TRNT1: variants seen among roughly 807,000 people sequenced by gnomAD.
TRNT1 encodes the protein CCA tRNA nucleotidyltransferase 1, mitochondrial.
TRNT1 carries 44 observed loss-of-function variants against 45.6 expected under a neutral mutation model. The ratio of observed to expected loss-of-function variants is 0.97; its 90% CI spans 0.76 to 1.24. The LOEUF (loss-of-function observed/expected upper bound fraction) is 1.24, where lower values mean the gene tolerates loss of function less well. Ranked by LOEUF, TRNT1 falls within the 50% of genes most tolerant of loss-of-function variation. The pLI is 0.00. For synonymous variants in TRNT1, 201 were observed against 171.4 expected (o/e 1.17, Z -1.35); for missense variants, 633 against 504.4 (o/e 1.25, Z -2.44).
At chr3:3,142,945 T>C (rs143738477) in intron 4 of TRNT1, among the ~76,000 whole-genome samples, 9 of 152,356 alleles carry the variant, frequency 5.9e-5, no homozygotes, top group African/African-American at 1.9e-4. Context: ...AAAGTTACTA[T>C]GCATATAAAA....
chr3:3,140,491 C>A lies in TRNT1; in HGVS notation c.343-19C>A. 1 of 1,607,104 alleles carries A rather than the reference C, an allele frequency of 6.2e-7. No homozygotes were observed. ...ACCTAATTTAAATGACAACAAAAAC[C>A]CCATGTATTTAATTGCAGCTTCATG... is the stretch of plus-strand genomic sequence containing the variant. On this transcript the variant is annotated intron_variant, in intron 3 of 7. Transcript: ENST00000251607.
downstream of TRNT1, chr3:3,149,704 T>TGGAAGTATTCTTGAAAA (rs1559235799): frequency 6.6e-6 from 1 of 152,100 alleles, no homozygotes; most frequent in Non-Finnish European, 1.5e-5. Context: ...CATATCCTGA[T>TGGAAGTATTCTTGAAAA]TGGAAGTATT....
At chr3:3,143,229 C>T (rs62228620) in intron 4 of TRNT1, among the ~76,000 whole-genome samples, 22,926 of 152,032 alleles carry the variant, frequency 0.15, 1,799 homozygotes, top group Admixed American at 0.18. Flanking sequence ...TCTTAGTTTG[C>T]CTGAGCTTGA....
intron 2 of TRNT1, chr3:3,130,172 A>G (rs1704920311): frequency 1.7e-6 from 1 of 580,860 alleles, no homozygotes; most frequent in South Asian, 2.0e-5. Flanking sequence ...TTAGTAGTAT[A>G]TGTAGAAATA....
rs757784762 is a variant in TRNT1, at chr3:3,129,037, C to T, written c.-4C>T. 6 of 1,602,274 alleles carry T rather than the reference C, an allele frequency of 3.7e-6. No homozygotes were observed. In the African/African-American group the frequency reaches 4.0e-5, roughly 11 times the overall value. On this transcript the variant is annotated 5_prime_UTR_variant, in exon 2 of 8. Transcript: ENST00000251607. ...AGATGTGTAGTTGGTGACTGCCTCT[C>T]CAGATGCTGAGGTGCCTGTATCATT...
At chr3:3,132,597 G>T (rs1214237736) in intron 2 of TRNT1, among the ~76,000 whole-genome samples, 8 of 107,568 alleles carry the variant, frequency 7.4e-5, no homozygotes, top group Non-Finnish European at 1.9e-5. Context: ...ACACGTTAGT[G>T]GGTGCAGCGC....
chr3:3,133,016 C>A (rs1037109441), intron 2 of TRNT1, among the ~76,000 whole-genome samples: 3 of 152,106 alleles, frequency 2.0e-5, no homozygotes, highest in Non-Finnish European at 4.4e-5. Flanking sequence ...TGTATAAAAT[C>A]AAAATGTACA....
rs1297006000 is a variant in TRNT1, at chr3:3,126,992, T to C, written c.-28+2T>C. On this transcript the variant is annotated splice_donor_variant, in intron 1 of 7. Transcript: ENST00000251607. LOFTEE classifies it low-confidence loss of function (5UTR_SPLICE). ...GCGGCTGCGGCAACAGCGGGGCCGG[T>C]AAGCGGGCGCGCGCCGCTCAGAGGG... 1 of 152,794 alleles carries C rather than the reference T, an allele frequency of 6.5e-6. No homozygotes were observed. Among genetic ancestry groups the C allele is most frequent in the African/African-American group, 2.4e-5 (1 of 41,452 alleles). 9.5% of individuals were successfully genotyped at this position (152,794 alleles called of 1,614,324 possible).
chr3:3,127,911 A>C (rs1575032645), intron 1 of TRNT1: 1 of 152,300 alleles, frequency 6.6e-6, no homozygotes, highest in East Asian at 1.9e-4. Flanking sequence ...GATGCAGATA[A>C]ACTAGGAAAG....
chr3:3,151,177 A>C (rs1706516673), downstream of TRNT1: 1 of 934,480 alleles, frequency 1.1e-6, no homozygotes, highest in African/African-American at 1.7e-5. Context: ...GATTTGATCC[A>C]TACAGTTCCC....
At chr3:3,135,796 C>G (rs1705292648) in intron 2 of TRNT1, among the ~76,000 whole-genome samples, 1 of 152,068 alleles carries the variant, frequency 6.6e-6, no homozygotes, top group African/African-American at 2.4e-5. Context: ...TGTCTGCTAG[C>G]CAAAGACCAA....
intron 2 of TRNT1, chr3:3,136,547 C>G: frequency 2.5e-6 from 1 of 392,932 alleles, no homozygotes; most frequent in South Asian, 1.9e-5. Context: ...CATCCTGCCT[C>G]AACATCTATC....
chr3:3,130,032 A>ACTCCT, intron 2 of TRNT1: 2 of 159,144 alleles, frequency 1.3e-5, no homozygotes, highest in Non-Finnish European at 2.5e-5. Flanking sequence ...GCTAAGTGCC[A>ACTCCT]GTAGCTTCTT....
chr3:3,135,922 G>C lies in TRNT1; in HGVS notation c.149-1338G>C, dbSNP rs535201693. Among the ~76,000 whole-genome samples, 19 of 152,288 alleles carry C rather than the reference G, an allele frequency of 1.2e-4. No individual in the cohort carries two copies. The Middle Eastern group carries it at 0.01, about 82-fold the overall frequency. On this transcript the variant is annotated intron_variant, in intron 2 of 7. Transcript: ENST00000251607. Reference sequence around the variant, plus strand: ...TACTCAGTAAGAGGGCTTTAGAAATGACTTCTTATAGGAGTTGGGCTTGTA... The same window carrying C: ...TACTCAGTAAGAGGGCTTTAGAAATCACTTCTTATAGGAGTTGGGCTTGTA...
chr3:3,130,184 G>A, intron 2 of TRNT1: 1 of 564,540 alleles, frequency 1.8e-6, no homozygotes, highest in Non-Finnish European at 3.2e-6. Context: ...GTAGAAATAT[G>A]ACCTATACAG....
chr3:3,150,552 T>C, downstream of TRNT1: 1 of 225,772 alleles, frequency 4.4e-6, no homozygotes, highest in Admixed American at 5.3e-5. Flanking sequence ...AATAATCTCA[T>C]CATTTCCAAA....
intron 1 of TRNT1, chr3:3,128,010 A>C (rs1559211093): frequency 6.6e-6 from 1 of 152,266 alleles, no homozygotes; most frequent in Non-Finnish European, 1.5e-5. Context: ...TCCAGAGCTT[A>C]TATACCTTGT....
downstream of TRNT1, chr3:3,149,576 G>GAGTA (rs75374325): frequency 4.9e-4 from 74 of 152,170 alleles, no homozygotes; most frequent in African/African-American, 1.3e-3. Flanking sequence ...GAACTTCCTG[G>GAGTA]AGTAAGTAAG....
downstream of TRNT1, chr3:3,152,533 A>C (rs1177099657): frequency 1.2e-6 from 2 of 1,613,998 alleles, no homozygotes; most frequent in Admixed American, 3.3e-5. Context: ...TAAGTGTCTC[A>C]TGCACATATC....
Sources: allele counts gnomAD v4.1 joint callset (sites outside exome capture counted in the v4.1 genomes callset), GRCh38; gene constraint gnomAD v4.1.1; transcripts MANE v1.5; gene names NCBI Gene and HGNC (gene_info 2026-07-23, HGNC 2026-07-21).